PPARGC1A: variants seen among roughly 807,000 people sequenced by gnomAD.
The protein encoded by PPARGC1A is peroxisome proliferator-activated receptor gamma coactivator 1-alpha.
Under a neutral mutation model 88.7 loss-of-function variants are expected in PPARGC1A, and 25 were observed. The ratio of observed to expected loss-of-function variants is 0.28; its 90% CI spans 0.21 to 0.39. PPARGC1A has a LOEUF of 0.39. PPARGC1A is among the 10% of genes least tolerant of loss of function. The probability of loss-of-function intolerance (pLI) is 1.00; values close to 1 mark genes in which losing one functional copy is unlikely to be tolerated. For synonymous variants in PPARGC1A, 363 were observed against 355.6 expected (o/e 1.02, Z -0.24); for missense variants, 880 against 968.7 (o/e 0.91, Z 1.22).
intron 10 of PPARGC1A, among the ~76,000 whole-genome samples, chr4:23,809,839 C>T (rs774678849): frequency 3.3e-5 from 5 of 151,984 alleles, no homozygotes; most frequent in Non-Finnish European, 7.4e-5. Flanking sequence ...GTCCTTTCTC[C>T]CTTTAGGATT....
chr4:24,025,714 G>T, the PPARGC1A span, among the ~76,000 whole-genome samples: 78,147 of 149,934 alleles, frequency 0.52, 20,593 homozygotes, highest in African/African-American at 0.62. Context: ...AAGTGCAATA[G>T]ATAGAGGGAG....
the PPARGC1A span, among the ~76,000 whole-genome samples, chr4:23,945,186 A>G: frequency 1.3e-5 from 2 of 152,182 alleles, no homozygotes; most frequent in African/African-American, 4.8e-5. Context: ...ATTAGAACTT[A>G]TACACCTAAC....
chr4:24,212,912 G>T, the PPARGC1A span, among the ~76,000 whole-genome samples: 21 of 152,204 alleles, frequency 1.4e-4, no homozygotes, highest in South Asian at 4.2e-4. Flanking sequence ...GTCATTTCCA[G>T]GCCTACTGCA....
At chr4:24,294,944 T>C in the PPARGC1A span, among the ~76,000 whole-genome samples, 1 of 152,196 alleles carries the variant, frequency 6.6e-6, no homozygotes, top group Non-Finnish European at 1.5e-5. Context: ...CATGGCCCTC[T>C]GTGGCCCTCA....
the PPARGC1A span, among the ~76,000 whole-genome samples, chr4:24,056,030 TTATAAAAAAGGTATTTTTA>T: frequency 1.6e-4 from 25 of 152,224 alleles, no homozygotes; most frequent in Non-Finnish European, 2.8e-4. Flanking sequence ...AGGACAGATG[TTATAAAAAAGGTATTTTTA>T]TTCCCATTTT....
At chr4:24,265,536 T>C in the PPARGC1A span, among the ~76,000 whole-genome samples, 1 of 152,126 alleles carries the variant, frequency 6.6e-6, no homozygotes, top group East Asian at 1.9e-4. Flanking sequence ...TCGAATGGCT[T>C]CACAGTGAGC....
the PPARGC1A span, among the ~76,000 whole-genome samples, chr4:24,018,933 A>G: frequency 2.0e-5 from 3 of 152,220 alleles, no homozygotes; most frequent in Non-Finnish European, 2.9e-5. Flanking sequence ...TGAAAATTGT[A>G]TTTCCATATA....
chr4:24,231,335 A>G, the PPARGC1A span, among the ~76,000 whole-genome samples: 10 of 152,258 alleles, frequency 6.6e-5, no homozygotes, highest in African/African-American at 2.4e-4. Context: ...TCATTCACTC[A>G]TTTTGTGACG....
At chr4:24,414,604 T>C in the PPARGC1A span, among the ~76,000 whole-genome samples, 1 of 152,174 alleles carries the variant, frequency 6.6e-6, no homozygotes, top group Non-Finnish European at 1.5e-5. Context: ...TACTGAGTCC[T>C]GACCCCAACC....
chr4:24,315,545 C>T, the PPARGC1A span, among the ~76,000 whole-genome samples: 1 of 152,188 alleles, frequency 6.6e-6, no homozygotes, highest in Non-Finnish European at 1.5e-5. Flanking sequence ...CAAGTCTTCC[C>T]TGACTAGCTC....
chr4:23,995,870 T>C, the PPARGC1A span, among the ~76,000 whole-genome samples: 1 of 152,188 alleles, frequency 6.6e-6, no homozygotes. Context: ...TGTTCATTGA[T>C]TAGCTGAATA....
the PPARGC1A span, among the ~76,000 whole-genome samples, chr4:24,214,428 G>A: frequency 6.6e-6 from 1 of 152,192 alleles, no homozygotes; most frequent in African/African-American, 2.4e-5. Flanking sequence ...TATAAAAGTT[G>A]AGCAGAAAGA....
At chr4:24,450,141 A>G in the PPARGC1A span, among the ~76,000 whole-genome samples, 6 of 152,244 alleles carry the variant, frequency 3.9e-5, no homozygotes. Flanking sequence ...GAAGAAACAA[A>G]TGACTGGGTC....
the PPARGC1A span, among the ~76,000 whole-genome samples, chr4:24,349,648 C>T: frequency 5.3e-5 from 8 of 152,138 alleles, no homozygotes; most frequent in African/African-American, 1.9e-4. Context: ...TCACTCCCAC[C>T]GTGCCCCCAC....
the PPARGC1A span, among the ~76,000 whole-genome samples, chr4:24,367,818 G>A: frequency 2.6e-5 from 4 of 152,216 alleles, no homozygotes; most frequent in East Asian, 7.7e-4. Flanking sequence ...TGCTTGATGA[G>A]GTAGGTGGTG....
At chr4:24,165,659 T>C in the PPARGC1A span, among the ~76,000 whole-genome samples, 27 of 152,312 alleles carry the variant, frequency 1.8e-4, no homozygotes, top group African/African-American at 6.0e-4. Flanking sequence ...ATTATTATTA[T>C]ATCTGTTAAG....
At chr4:24,326,559 G>T in the PPARGC1A span, among the ~76,000 whole-genome samples, 7 of 152,192 alleles carry the variant, frequency 4.6e-5, no homozygotes, top group African/African-American at 1.7e-4. Context: ...CAAATTACCT[G>T]GGCTGCACTG....
the PPARGC1A span, among the ~76,000 whole-genome samples, chr4:24,465,523 T>C: frequency 2.6e-5 from 4 of 152,164 alleles, no homozygotes; most frequent in South Asian, 8.3e-4. Flanking sequence ...TTTCCTATGG[T>C]CTCTCTGGAA....
the PPARGC1A span, among the ~76,000 whole-genome samples, chr4:24,160,299 T>C: frequency 6.6e-6 from 1 of 152,238 alleles, no homozygotes; most frequent in Non-Finnish European, 1.5e-5. Context: ...TCCTTATTCA[T>C]CTTACATTTT....
Sources: allele counts gnomAD v4.1 joint callset (sites outside exome capture counted in the v4.1 genomes callset), GRCh38; gene constraint gnomAD v4.1.1; transcripts MANE v1.5; gene names NCBI Gene and HGNC (gene_info 2026-07-23, HGNC 2026-07-21).